VWA3B: variants seen among roughly 807,000 people sequenced by gnomAD.
The protein encoded by VWA3B is von Willebrand factor A domain-containing protein 3B.
VWA3B carries 138 observed loss-of-function variants against 158.3 expected under a neutral mutation model. The ratio of observed to expected loss-of-function variants is 0.87; its 90% confidence interval spans 0.76 to 1.00. The LOEUF (loss-of-function observed/expected upper bound fraction) is 1.00, where lower values mean the gene tolerates loss of function less well. VWA3B is among the 50% of genes least tolerant of loss of function. The probability of loss-of-function intolerance (pLI) is 0.00; values close to 1 mark genes in which losing one functional copy is unlikely to be tolerated. For missense variants in VWA3B, 1,555 were observed against 1,565.1 expected, an observed-to-expected ratio of 0.99 and a Z score of 0.11; for synonymous variants, 596 against 587.3, an observed-to-expected ratio of 1.01 and a Z score of -0.21.
At chr2:98,203,815 T>G (rs906911520) in intron 12 of VWA3B, among the ~76,000 whole-genome samples, 4 of 152,224 alleles carry the variant, frequency 2.6e-5, no homozygotes, top group South Asian at 2.1e-4. Context: ...TCGCTTTTTG[T>G]TTTTTGTGTA....
the VWA3B span, among the ~76,000 whole-genome samples, chr2:98,319,565 T>A: frequency 6.6e-6 from 1 of 152,086 alleles, no homozygotes; most frequent in Non-Finnish European, 1.5e-5. Flanking sequence ...ACTTCACTCA[T>A]GATAAGAGAA....
In VWA3B at chr2:98,211,827, T is replaced by G. The variant is rs895483361; in HGVS notation, c.1738-103T>G. 3 of 916,040 alleles carry G rather than the reference T, an allele frequency of 3.3e-6. No individual in the cohort carries two copies. The African/African-American group carries it at 5.0e-5, about 15-fold the overall frequency. The allele number at this position is 916,040 out of a possible 1,614,324, so 56.7% of individuals were successfully genotyped here. A position where few individuals can be genotyped will look rare whatever the true frequency, so the allele number is the denominator to read the frequency against. On this transcript the variant is annotated intron_variant, in intron 12 of 27. Coordinates refer to ENST00000477737, the MANE Select transcript of VWA3B (RefSeq NM_144992.5). ...TCAATGTAATTATTTATCTTTCATC[T>G]CATAGGTACTTTTTCTTCTTTTTTG... is the stretch of plus-strand genomic sequence containing the variant.
At chr2:98,298,054 T>C in intron 24 of VWA3B, 23 bp downstream of exon 24, 3 of 1,474,000 alleles carry the variant, frequency 2.0e-6, no homozygotes, top group Non-Finnish European at 2.7e-6. Context: ...TGATGTGTTC[T>C]GGGGCCCCTT....
At position 98,181,083 on chromosome 2, in the gene VWA3B, G is replaced by C; in HGVS notation, c.1182G>C (p.Leu394=). 6.2e-7 allele frequency: 1 copy of C among 1,614,238 alleles called. No individual in the cohort carries two copies. Among genetic ancestry groups the C allele is most frequent in the South Asian group, 1.1e-5 (1 of 91,090 alleles). ...PEDTWDSKTW[L]QKYGLKAQKL... ...ACACCTGGGACTCTAAGACATGGCT[G>C]CAGAAATATGGCTTGAAGGCCCAGA... The change falls in exon 9 of 28, where the codon CTG becomes CTC. Residue 394 remains leucine (L), a synonymous_variant. Coordinates refer to ENST00000477737, the MANE Select transcript of VWA3B (RefSeq NM_144992.5).
rs1384166958 is a variant in VWA3B, at chr2:98,250,435, AAGTG to A, written c.2792+3_2792+6del. The A allele has an allele frequency of 6.2e-7, 1 of 1,605,760 alleles. No individual in the cohort carries two copies. The highest frequency in any genetic ancestry group is 8.5e-7 in the Non-Finnish European group (1 of 1,174,872). On this transcript the variant is annotated splice_donor_variant and splice_donor_region_variant and coding_sequence_variant and intron_variant, in exon 20 of 28. Coordinates refer to ENST00000477737, the MANE Select transcript of VWA3B (RefSeq NM_144992.5). LOFTEE classifies it high-confidence loss of function. ...GGAACAGGCAATTCAATCCTATGAA[AAGTG>A]AGTATTACTCTTGGCTGCTCTTTAA...
At position 98,276,092 on chromosome 2, in the gene VWA3B, C is replaced by T. The variant is rs763901371; in HGVS notation, c.3045+5209C>T. On this transcript the variant is annotated intron_variant, in intron 22 of 27. Transcript: ENST00000477737. ...AAGCCACCCTTGTCTGTTAGGGGAA[C>T]GCCGATGTTCCAGCATAGATGTCCC... is the stretch of plus-strand genomic sequence containing the variant. Among the ~76,000 whole-genome samples the T allele has an allele frequency of 7.2e-5, 11 of 152,288 alleles. No homozygotes were observed. The South Asian group carries it at 8.3e-4, about 11-fold the overall frequency.
Position 98,162,850 on chromosome 2 carries a change from GGA to G in VWA3B, c.990_991del (p.Ala331TrpfsTer48), listed in dbSNP as rs755657185. On this transcript the variant is annotated frameshift_variant and splice_region_variant, in exon 8 of 28. Coordinates refer to ENST00000477737, the MANE Select transcript of VWA3B (RefSeq NM_144992.5). LOFTEE classifies it high-confidence loss of function. ...SRKLKGKLPP[G>X]AGVREDVFLV... Reference sequence around the variant, plus strand: ...CGCTCATGCTGTGTCTCCCCTTTTAGGAGCTGGAGTCAGAGAGGACGTGTTTC... The same window carrying G: ...CGCTCATGCTGTGTCTCCCCTTTTAGGCTGGAGTCAGAGAGGACGTGTTTC... 4 of 1,613,432 alleles carry G rather than the reference GGA, an allele frequency of 2.5e-6. No individual in the cohort carries two copies. The South Asian group carries it at 4.4e-5, about 18-fold the overall frequency.
At chr2:98,167,924 T>C (rs1679226946) in intron 8 of VWA3B, among the ~76,000 whole-genome samples, 2 of 152,176 alleles carry the variant, frequency 1.3e-5, no homozygotes, top group Non-Finnish European at 2.9e-5. Flanking sequence ...CTCTGGGCCC[T>C]CCTAAGAAAT....
chr2:98,128,135 C>T (rs982782604), intron 5 of VWA3B, 104 bp from the exon 6 acceptor site: 4 of 1,401,722 alleles, frequency 2.9e-6, no homozygotes, highest in Non-Finnish European at 3.9e-6. Flanking sequence ...TCTTTCTGCC[C>T]ATTTTTTCTA....
At chr2:98,148,548 T>C (rs1677356172) in intron 7 of VWA3B, among the ~76,000 whole-genome samples, 1 of 152,266 alleles carries the variant, frequency 6.6e-6, no homozygotes, top group Admixed American at 6.5e-5. Flanking sequence ...CTGTAATCTA[T>C]AAATCCTGCA....
intron 12 of VWA3B, among the ~76,000 whole-genome samples, chr2:98,196,614 G>A (rs925729805): frequency 1.3e-5 from 2 of 152,154 alleles, no homozygotes; most frequent in Admixed American, 6.5e-5. Flanking sequence ...GAGCGGGGGA[G>A]ATGGAGGGAG....
intron 4 of VWA3B, among the ~76,000 whole-genome samples, chr2:98,120,971 G>A (rs1288536272): frequency 1.3e-5 from 2 of 152,180 alleles, no homozygotes; most frequent in African/African-American, 4.8e-5. Flanking sequence ...AGTGAAGCCA[G>A]TTACATATAA....
chr2:98,236,791 A>G (rs1473493057), intron 19 of VWA3B, 61 bp downstream of exon 19: 96 of 1,552,066 alleles, frequency 6.2e-5, no homozygotes, highest in Non-Finnish European at 8.3e-5. Flanking sequence ...TCAAATAAAA[A>G]GTAGTCCAAT....
At chr2:98,254,808 C>T (rs1687011579) in intron 20 of VWA3B, among the ~76,000 whole-genome samples, 1 of 152,144 alleles carries the variant, frequency 6.6e-6, no homozygotes, top group Non-Finnish European at 1.5e-5. Flanking sequence ...CCGGAGTCTA[C>T]CCTCTTCAGA....
intron 12 of VWA3B, among the ~76,000 whole-genome samples, chr2:98,211,579 A>G (rs2105547493): frequency 6.6e-6 from 1 of 152,354 alleles, no homozygotes; most frequent in Non-Finnish European, 1.5e-5. Context: ...ATGATGCCAC[A>G]GTGTATTTAG....
chr2:98,270,203 A>G (rs1504679), intron 21 of VWA3B, among the ~76,000 whole-genome samples: 63,795 of 152,108 alleles, frequency 0.42, 13,779 homozygotes, highest in Admixed American at 0.47. Flanking sequence ...AAGAGGAAAG[A>G]AGATAAAAAT....
At chr2:98,163,424 G>A (rs1231008441) in intron 8 of VWA3B, among the ~76,000 whole-genome samples, 4 of 152,132 alleles carry the variant, frequency 2.6e-5, no homozygotes, top group African/African-American at 9.7e-5. Context: ...TGTAATCCCA[G>A]CTACTCAGGA....
chr2:98,216,067 A>G (rs2105586243), intron 13 of VWA3B, among the ~76,000 whole-genome samples: 1 of 152,326 alleles, frequency 6.6e-6, no homozygotes, highest in Non-Finnish European at 1.5e-5. Context: ...TATTCAGCAG[A>G]ATTTTCTTTG....
At chr2:98,141,115 A>C (rs1676747806) in intron 7 of VWA3B, among the ~76,000 whole-genome samples, 1 of 152,166 alleles carries the variant, frequency 6.6e-6, no homozygotes, top group Non-Finnish European at 1.5e-5. Context: ...CTGTGGTGAC[A>C]CTTTTCATCT....
Sources: gnomAD v4.1 joint callset for allele counts (sites outside exome capture counted in the v4.1 genomes callset) on GRCh38, gnomAD v4.1.1 for gene constraint, MANE v1.5 for transcripts, NCBI Gene and HGNC (gene_info 2026-07-23, HGNC 2026-07-21) for gene names.